The following PRKACB variants were observed in gnomAD, a reference collection of about 807,000 sequenced individuals.
PRKACB encodes protein kinase cAMP-activated catalytic subunit beta, also known as cAMP-dependent protein kinase catalytic subunit beta.
A neutral mutation model predicts 51.4 loss-of-function variants in PRKACB; 16 were observed. That is an observed-to-expected ratio of 0.31 (90% CI 0.21 to 0.47). PRKACB has a LOEUF of 0.47. Among genes scored for constraint, PRKACB ranks in the 20% least tolerant of loss-of-function variants. The probability of loss-of-function intolerance (pLI) is 1.00; values close to 1 mark genes in which losing one functional copy is unlikely to be tolerated. For missense variants in PRKACB, 309 were observed against 464.5 expected (o/e 0.67, Z 3.08); for synonymous variants, 147 against 154.4 (o/e 0.95, Z 0.35).
At chr1:84,193,444 T>G (rs182703300) in intron 5 of PRKACB, among the ~76,000 whole-genome samples, 1 of 152,296 alleles carries the variant, frequency 6.6e-6, no homozygotes, top group Admixed American at 6.5e-5. Flanking sequence ...GAAGCAAGAA[T>G]TACAATGCAA....
chr1:84,122,999 G>A (rs1651218564), intron 1 of PRKACB, among the ~76,000 whole-genome samples: 1 of 152,120 alleles, frequency 6.6e-6, no homozygotes, highest in Non-Finnish European at 1.5e-5. Context: ...CCTTCTGGCT[G>A]ACTCCGTAGC....
chr1:84,091,921 G>C (rs369533617), intron 1 of PRKACB, among the ~76,000 whole-genome samples: 1 of 152,014 alleles, frequency 6.6e-6, no homozygotes, highest in African/African-American at 2.4e-5. Flanking sequence ...ATGTTTTTTC[G>C]CAGTGATATC....
intron 7 of PRKACB, among the ~76,000 whole-genome samples, chr1:84,201,063 T>C (rs1669967867): frequency 6.6e-6 from 1 of 152,092 alleles, no homozygotes; most frequent in Admixed American, 6.6e-5. Context: ...CCTTAGCATA[T>C]ATTCCCAGAA....
chr1:84,236,700 T>G lies in PRKACB; in HGVS notation c.*1395T>G, dbSNP rs1367358479. 1 of 152,636 alleles carries G rather than the reference T, an allele frequency of 6.6e-6. No individual in the cohort carries two copies. The highest frequency in any genetic ancestry group is 1.5e-5 in the Non-Finnish European group (1 of 68,018). 9.5% of individuals were successfully genotyped at this position (152,636 alleles called of 1,614,324 possible). On this transcript the variant is annotated 3_prime_UTR_variant, in exon 10 of 10. Transcript: ENST00000370685. ...ACAACATTGCTGTCAGGTGGAAATT[T>G]CAAGCACTTTTGCACATTTAGTTCA...
At chr1:84,201,376 A>C (rs1027739538) in intron 7 of PRKACB, among the ~76,000 whole-genome samples, 37 of 152,022 alleles carry the variant, frequency 2.4e-4, no homozygotes, top group African/African-American at 8.4e-4. Context: ...CCATTTATCT[A>C]TTGTAATTTA....
chr1:84,109,212 A>C (rs1436843856), intron 1 of PRKACB, among the ~76,000 whole-genome samples: 1 of 151,996 alleles, frequency 6.6e-6, no homozygotes, highest in East Asian at 1.9e-4. Flanking sequence ...TAAACATTCC[A>C]GTACACACAT....
At chr1:84,166,726 A>G (rs1657597965) in intron 1 of PRKACB, among the ~76,000 whole-genome samples, 1 of 151,786 alleles carries the variant, frequency 6.6e-6, no homozygotes, top group Non-Finnish European at 1.5e-5. Context: ...CTAAGTCTGT[A>G]ACTACACATG....
At chr1:84,188,491 G>C (rs1665826831) in intron 5 of PRKACB, among the ~76,000 whole-genome samples, 1 of 151,544 alleles carries the variant, frequency 6.6e-6, no homozygotes, top group African/African-American at 2.4e-5. Flanking sequence ...AATAGCCATG[G>C]GTAAAAATCT....
intron 9 of PRKACB, among the ~76,000 whole-genome samples, chr1:84,234,198 TG>T (rs1369729451): frequency 1.3e-5 from 2 of 152,230 alleles, no homozygotes; most frequent in African/African-American, 2.4e-5. Context: ...GTTCCCCTGC[TG>T]GGGGGTGCCT....
intron 1 of PRKACB, among the ~76,000 whole-genome samples, chr1:84,177,639 G>T (rs1291581528): frequency 3.9e-5 from 6 of 152,022 alleles, no homozygotes; most frequent in Non-Finnish European, 8.8e-5. Flanking sequence ...CTACTCAGGA[G>T]GCTGAGGCAG....
At chr1:84,101,088 C>A (rs963239706) in intron 1 of PRKACB, among the ~76,000 whole-genome samples, 2 of 152,142 alleles carry the variant, frequency 1.3e-5, no homozygotes, top group African/African-American at 4.8e-5. Flanking sequence ...AGAAACAGAA[C>A]CAGTAGGATA....
chr1:84,165,483 G>A (rs1433140354), intron 1 of PRKACB, among the ~76,000 whole-genome samples: 1 of 151,574 alleles, frequency 6.6e-6, no homozygotes, highest in Non-Finnish European at 1.5e-5. Context: ...TGATGTCTTG[G>A]TTGCTTTTAC....
chr1:84,227,214 G>T (rs778682576), intron 9 of PRKACB, among the ~76,000 whole-genome samples: 2 of 151,972 alleles, frequency 1.3e-5, no homozygotes, highest in Non-Finnish European at 2.9e-5. Flanking sequence ...GGAACATAGA[G>T]TCATCTTATA....
At chr1:84,119,396 A>G (rs1485297510) in intron 1 of PRKACB, among the ~76,000 whole-genome samples, 3 of 152,148 alleles carry the variant, frequency 2.0e-5, no homozygotes, top group African/African-American at 4.8e-5. Flanking sequence ...TGAATGAACC[A>G]ATTTACAATA....
intron 1 of PRKACB, among the ~76,000 whole-genome samples, chr1:84,166,788 TC>T (rs755003479): frequency 9.9e-5 from 15 of 151,682 alleles, no homozygotes; most frequent in Non-Finnish European, 1.9e-4. Context: ...ATTCCTTTTA[TC>T]CTTTGCCAAT....
rs144011129 is a variant in PRKACB, at chr1:84,208,790, T to G, written c.907-5363T>G. 2.7e-3 allele frequency among the ~76,000 whole-genome samples: 409 copies of G among 152,304 alleles called. 1 individual carries two copies. The highest frequency in any genetic ancestry group is 4.2e-3 in the Non-Finnish European group (288 of 68,008). On this transcript the variant is annotated intron_variant, in intron 8 of 9. Transcript: ENST00000370685. ...TTTCATGTTAAGTCACATAATTTCT[T>G]TTCATACCTGCCAGATGAGATATAC...
chr1:84,234,777 A>C (rs1198330898), intron 9 of PRKACB, among the ~76,000 whole-genome samples: 1 of 151,950 alleles, frequency 6.6e-6, no homozygotes, highest in Non-Finnish European at 1.5e-5. Context: ...TTCGGCTCGC[A>C]CACGGTGCGT....
At chr1:84,183,250 A>G (rs1036231118) in intron 3 of PRKACB, among the ~76,000 whole-genome samples, 8 of 151,984 alleles carry the variant, frequency 5.3e-5, no homozygotes, top group Non-Finnish European at 8.8e-5. Flanking sequence ...CCACTTCTTA[A>G]ATTCAAAATA....
chr1:84,204,863 A>AC (rs1671082792), intron 8 of PRKACB: 1 of 982,824 alleles, frequency 1.0e-6, no homozygotes, highest in Non-Finnish European at 1.2e-6. Flanking sequence ...ATTTTTATGC[A>AC]TTGGCCTCGA....
Sources: allele counts gnomAD v4.1 joint callset (sites outside exome capture counted in the v4.1 genomes callset), GRCh38; gene constraint gnomAD v4.1.1; transcripts MANE v1.5; gene names NCBI Gene and HGNC (gene_info 2026-07-23, HGNC 2026-07-21).